The following HNF1B variants were observed in gnomAD, a reference collection of about 807,000 sequenced individuals.
HNF1B encodes hepatocyte nuclear factor 1-beta.
Under a neutral mutation model 61.7 loss-of-function variants are expected in HNF1B, and 8 were observed. The ratio of observed to expected loss-of-function variants is 0.13; its 90% CI spans 0.08 to 0.23. The LOEUF (loss-of-function observed/expected upper bound fraction) is 0.23. Ranked by LOEUF, HNF1B falls within the 10% of genes least tolerant of loss-of-function variation. HNF1B has a pLI of 1.00. For missense variants in HNF1B, 562 were observed against 714.5 expected, an observed-to-expected ratio of 0.79 and a Z score of 2.43; for synonymous variants, 314 against 287.7, an observed-to-expected ratio of 1.09 and a Z score of -0.93.
chr17:37,706,231 T>C (rs1174851725), intron 5 of HNF1B, among the ~76,000 whole-genome samples: 3 of 152,178 alleles, frequency 2.0e-5, no homozygotes, highest in Non-Finnish European at 2.9e-5. Context: ...AGTGCTGGGA[T>C]TACAGGTGTG....
In HNF1B at chr17:37,710,653, G is replaced by A; in HGVS notation, c.1056C>T (p.Tyr352=). The change falls in exon 5 of 9, where the codon TAC becomes TAT. Residue 352 remains tyrosine, a synonymous_variant. Coordinates refer to ENST00000617811, the MANE Select transcript of HNF1B (RefSeq NM_000458.4). ...SPPNKLSGVR[Y]SQQGNNEITS... ...TGATCTCATTGTTTCCCTGCTGGCT[G>A]TAGCGCACTCCTGCAAAACAACACA... 6.2e-7 allele frequency: 1 copy of A among 1,613,904 alleles called. No individual in the cohort carries two copies. Among genetic ancestry groups the A allele is most frequent in the East Asian group, 2.2e-5 (1 of 44,872 alleles).
intron 8 of HNF1B, among the ~76,000 whole-genome samples, chr17:37,696,506 A>T (rs1275845785): frequency 1.3e-5 from 2 of 151,946 alleles, no homozygotes; most frequent in Non-Finnish European, 2.9e-5. Flanking sequence ...TCCTGCTCAC[A>T]CTCTCACCAC....
intron 8 of HNF1B, among the ~76,000 whole-genome samples, chr17:37,698,862 C>G (rs189514989): frequency 6.6e-6 from 1 of 152,160 alleles, no homozygotes; most frequent in East Asian, 1.9e-4. Flanking sequence ...TTGTTTAGTG[C>G]TCTTCCTGGG....
At position 37,731,521 on chromosome 17, in the gene HNF1B, T is replaced by G; in HGVS notation, c.1045+74A>C. ...AAGCGTTTGCTCCTCTGAAAACCCTTAAACCAGATAAGATCCGTGGCAAGA... is the reference window on the plus strand; with the variant it reads ...AAGCGTTTGCTCCTCTGAAAACCCTGAAACCAGATAAGATCCGTGGCAAGA... On this transcript the variant is annotated intron_variant, in intron 4 of 8. Transcript: ENST00000617811. 3.1e-6 allele frequency: 4 copies of G among 1,291,150 alleles called. No homozygotes were observed. In the South Asian group the frequency reaches 5.0e-5, roughly 16 times the overall value. 80.0% of individuals were successfully genotyped at this position (1,291,150 alleles called of 1,614,324 possible).
Position 37,701,104 on chromosome 17 carries a change from G to A in HNF1B, c.1413C>T (p.Pro471=), listed in dbSNP as rs140781855. ...TGTGCAGCTGCTGGGAGAACTGGACGGGCTGCAGGGCTGCCAGGCTGCCGG... is the reference window on the plus strand; with the variant it reads ...TGTGCAGCTGCTGGGAGAACTGGACAGGCTGCAGGGCTGCCAGGCTGCCGG... ...SVAGSLAALQ[P]VQFSQQLHSP... is the part of the protein sequence containing the mutation. The change falls in exon 7 of 9, where the codon CCC becomes CCT. Residue 471 remains proline (P), a synonymous_variant. Coordinates refer to ENST00000617811, the MANE Select transcript of HNF1B (RefSeq NM_000458.4). 6.1e-4 allele frequency: 949 copies of A among 1,552,674 alleles called. 10 individuals are homozygous for A. The African/African-American group carries it at 9.9e-3, about 16-fold the overall frequency.
chr17:37,701,288 T>G (rs1475019569), intron 6 of HNF1B, 111 bp from the exon 7 acceptor site: 3 of 1,022,058 alleles, frequency 2.9e-6, no homozygotes, highest in Non-Finnish European at 4.4e-6. Flanking sequence ...CTGAGCCTGT[T>G]ACATAGGAGA....
At chr17:37,731,392 GGGCAAT>G (rs1433889539) in intron 4 of HNF1B, 197 bp downstream of exon 4, 1 of 685,600 alleles carries the variant, frequency 1.5e-6, no homozygotes, top group South Asian at 1.5e-5. Flanking sequence ...AGCCCTCACA[GGGCAAT>G]GGCTGAACCA....
In HNF1B at chr17:37,731,618, G is replaced by A; in HGVS notation, c.1022C>T (p.Ser341Phe). The part of the protein sequence containing the change: ...SHGSPHHQPS[S>F]SPPNKLSGVR... ...ACCTGACAGCTTGTTTGGAGGAGAG[G>A]AGCTGGGCTGGTGGTGGGGGGAGCC... Residue 341 changes from serine to phenylalanine, a missense_variant, in exon 4 of 9, where the codon TCC becomes TTC. Around this residue, in one of 6 missense-constraint regions of HNF1B, gnomAD observed 211 missense variants for 200.7 expected, o/e 1.05. Coordinates refer to ENST00000617811, the MANE Select transcript of HNF1B (RefSeq NM_000458.4). The A allele has an allele frequency of 6.2e-7, 1 of 1,613,484 alleles. No individual in the cohort carries two copies. The highest frequency in any genetic ancestry group is 8.5e-7 in the Non-Finnish European group (1 of 1,179,666).
chr17:37,730,740 G>C (rs1388655739), intron 4 of HNF1B: 1 of 152,262 alleles, frequency 6.6e-6, no homozygotes, highest in Non-Finnish European at 1.5e-5. Context: ...CAGGCAGGAG[G>C]CTGCTACACT....
intron 4 of HNF1B, among the ~76,000 whole-genome samples, chr17:37,717,247 A>G (rs983750092): frequency 2.3e-4 from 35 of 151,470 alleles, no homozygotes; most frequent in Non-Finnish European, 2.9e-5. Context: ...TTCAGAGCCA[A>G]CCTCCCATCC....
intron 8 of HNF1B, among the ~76,000 whole-genome samples, chr17:37,690,366 G>C (rs1050524104): frequency 1.3e-5 from 2 of 152,150 alleles, no homozygotes; most frequent in African/African-American, 2.4e-5. Context: ...GTATGTCTCT[G>C]TTTTAGTTTG....
At position 37,720,843 on chromosome 17, in the gene HNF1B, A is replaced by C. The variant is rs933384223; in HGVS notation, c.1046-10180T>G. The C allele has an allele frequency of 3.0e-6, 3 of 985,218 alleles. No homozygotes were observed. In the African/African-American group the frequency reaches 5.2e-5, roughly 17 times the overall value. 61.0% of individuals were successfully genotyped at this position (985,218 alleles called of 1,614,324 possible). ...GACCTTCTTCTTCACGGTGAGATTG[A>C]AGTTTACAGGTAGGGATGCAAACCC... On this transcript the variant is annotated intron_variant, in intron 4 of 8. Coordinates refer to ENST00000617811, the MANE Select transcript of HNF1B (RefSeq NM_000458.4).
At chr17:37,694,435 G>A (rs962996338) in intron 8 of HNF1B, among the ~76,000 whole-genome samples, 3 of 10,890 alleles carry the variant, frequency 2.8e-4, no homozygotes, top group Non-Finnish European at 6.4e-4. Flanking sequence ...CCCCCGCCCC[G>A]CCGCCCCCCC....
chr17:37,708,592 C>T (rs2032828814), intron 5 of HNF1B, among the ~76,000 whole-genome samples: 1 of 152,216 alleles, frequency 6.6e-6, no homozygotes, highest in Non-Finnish European at 1.5e-5. Context: ...GTCAAGACCT[C>T]TTCCGTAAGG....
intron 2 of HNF1B, among the ~76,000 whole-genome samples, chr17:37,735,924 C>A (rs1023115765): frequency 4.6e-5 from 7 of 152,168 alleles, no homozygotes; most frequent in Admixed American, 6.5e-5. Flanking sequence ...CCACATCTGA[C>A]TAATTAAAAA....
chr17:37,711,875 C>T (rs2032945962), intron 4 of HNF1B, among the ~76,000 whole-genome samples: 1 of 152,166 alleles, frequency 6.6e-6, no homozygotes, highest in Non-Finnish European at 1.5e-5. Flanking sequence ...TTCATCCACC[C>T]ACCCCCTGCC....
chr17:37,740,924 A>G (rs1338747334), intron 1 of HNF1B, among the ~76,000 whole-genome samples: 1 of 152,234 alleles, frequency 6.6e-6, no homozygotes, highest in Non-Finnish European at 1.5e-5. Context: ...GAAAAGAGAG[A>G]TATAATTTAA....
chr17:37,709,331 C>T (rs2032856615), intron 5 of HNF1B, among the ~76,000 whole-genome samples: 1 of 152,166 alleles, frequency 6.6e-6, no homozygotes, highest in Admixed American at 6.5e-5. Context: ...CTCACTGCAA[C>T]CTCTGCCTCC....
In HNF1B at chr17:37,720,750, T is replaced by G; in HGVS notation, c.1046-10087A>C. 3 of 982,186 alleles carry G rather than the reference T, an allele frequency of 3.1e-6. No individual in the cohort carries two copies. In the South Asian group the frequency reaches 1.4e-4, roughly 46 times the overall value. The allele number at this position is 982,186 out of a possible 1,614,324, so 60.8% of individuals were successfully genotyped here. Reference sequence around the variant, plus strand: ...AAGAAAGCTACCTCAGGCTCAGATGTTGGTACAGCCCACAATTCTGCCACT... The same window carrying G: ...AAGAAAGCTACCTCAGGCTCAGATGGTGGTACAGCCCACAATTCTGCCACT... On this transcript the variant is annotated intron_variant, in intron 4 of 8. Coordinates refer to ENST00000617811, the MANE Select transcript of HNF1B (RefSeq NM_000458.4).
Sources: allele counts gnomAD v4.1 joint callset (sites outside exome capture counted in the v4.1 genomes callset), GRCh38; gene constraint gnomAD v4.1.1; regional missense constraint gnomAD v4.1.1; transcripts MANE v1.5; gene names NCBI Gene and HGNC (gene_info 2026-07-23, HGNC 2026-07-21).